LHFPL6: variants seen among roughly 807,000 people sequenced by gnomAD.
The protein encoded by LHFPL6 is LHFPL tetraspan subfamily member 6.
LHFPL6 carries 9 observed loss-of-function variants against 20.6 expected under a neutral mutation model. The observed-to-expected ratio is 0.44, with a 90% CI of 0.26 to 0.76. The LOEUF (loss-of-function observed/expected upper bound fraction) is 0.76, where lower values mean the gene tolerates loss of function less well. Ranked by LOEUF, LHFPL6 falls within the 30% of genes least tolerant of loss-of-function variation. The pLI is 0.20. For synonymous variants in LHFPL6, 105 were observed against 98.7 expected (o/e 1.06, Z -0.38); for missense variants, 218 against 253.5 (o/e 0.86, Z 0.95).
intron 2 of LHFPL6, among the ~76,000 whole-genome samples, chr13:39,579,475 T>G (rs1288426912): frequency 1.3e-5 from 2 of 152,214 alleles, no homozygotes; most frequent in African/African-American, 4.8e-5. Flanking sequence ...TTCAAGACAA[T>G]GAAATTTCTT....
At chr13:39,449,217 C>T (rs77307194) in intron 2 of LHFPL6, among the ~76,000 whole-genome samples, 2,096 of 152,334 alleles carry the variant, frequency 0.014, 19 homozygotes, top group Non-Finnish European at 0.02. Flanking sequence ...CACTACATTT[C>T]ACGACAGTTA....
chr13:39,343,465 C>T lies in LHFPL6; in HGVS notation c.*471G>A, dbSNP rs1267354899. 4.3e-5 allele frequency: 10 copies of T among 232,522 alleles called. No individual in the cohort carries two copies. Among genetic ancestry groups the T allele is most frequent in the South Asian group, 1.8e-4 (1 of 5,522 alleles). 14.4% of individuals were successfully genotyped at this position (232,522 alleles called of 1,614,324 possible). A position where few individuals can be genotyped will look rare whatever the true frequency, so the allele number is the denominator to read the frequency against. ...TGTGCTTGTGTGCTTTTGGGAGTGC[C>T]GTGACCTACAGGGAACATCTTTGGG... On this transcript the variant is annotated 3_prime_UTR_variant, in exon 4 of 4. Coordinates refer to ENST00000379589, the MANE Select transcript of LHFPL6 (RefSeq NM_005780.3).
At position 39,482,595 on chromosome 13, in the gene LHFPL6, C is replaced by T. The variant is rs563469013; in HGVS notation, c.386-104069G>A. 5.3e-5 allele frequency among the ~76,000 whole-genome samples: 8 copies of T among 152,266 alleles called. No individual in the cohort carries two copies. The South Asian group carries it at 1.0e-3, about 20-fold the overall frequency. On this transcript the variant is annotated intron_variant, in intron 2 of 3. Coordinates refer to ENST00000379589, the MANE Select transcript of LHFPL6 (RefSeq NM_005780.3). ...TGTTGAGGAAGGAGAAATAATCAAT[C>T]GTGTCAAATGCTGCAGAGAGATATA...
chr13:39,517,649 T>C (rs544237414), intron 2 of LHFPL6, among the ~76,000 whole-genome samples: 59 of 152,202 alleles, frequency 3.9e-4, no homozygotes, highest in Non-Finnish European at 1.6e-4. Context: ...TGTCCCTGTT[T>C]GTCTGAGACA....
At chr13:39,601,531 A>T (rs1351274057) in intron 1 of LHFPL6, 141 bp from the exon 2 acceptor site, 1 of 256,510 alleles carries the variant, frequency 3.9e-6, no homozygotes, top group Non-Finnish European at 7.4e-6. Flanking sequence ...AATTCTCTCT[A>T]TGAGCTTCAT....
At chr13:39,376,909 G>A (rs1870306125) in intron 3 of LHFPL6, among the ~76,000 whole-genome samples, 1 of 152,120 alleles carries the variant, frequency 6.6e-6, no homozygotes, top group African/African-American at 2.4e-5. Context: ...TGACATTTGA[G>A]AAAGCAGCAG....
intron 2 of LHFPL6, among the ~76,000 whole-genome samples, chr13:39,549,629 T>G (rs1190714559): frequency 6.6e-6 from 1 of 152,120 alleles, no homozygotes; most frequent in Non-Finnish European, 1.5e-5. Flanking sequence ...TCAGCATACA[T>G]AGACCATATA....
At chr13:39,497,892 C>T (rs1395061041) in intron 2 of LHFPL6, among the ~76,000 whole-genome samples, 32 of 152,022 alleles carry the variant, frequency 2.1e-4, no homozygotes, top group Admixed American at 2.1e-3. Context: ...GTCATGTTGC[C>T]AAGTTTAATT....
intron 2 of LHFPL6, among the ~76,000 whole-genome samples, chr13:39,384,112 C>A (rs757281342): frequency 6.6e-6 from 1 of 152,190 alleles, no homozygotes; most frequent in South Asian, 2.1e-4. Context: ...TGCCCACTCA[C>A]AAAAGGGCAG....
chr13:39,574,721 AGGCAAGTGTACT>A (rs1268042711), intron 2 of LHFPL6, among the ~76,000 whole-genome samples: 1 of 152,176 alleles, frequency 6.6e-6, no homozygotes, highest in Non-Finnish European at 1.5e-5. Flanking sequence ...TGGATGTGCA[AGGCAAGTGTACT>A]GGCAAGTGTA....
intron 2 of LHFPL6, among the ~76,000 whole-genome samples, chr13:39,444,340 G>A (rs1458477888): frequency 6.6e-6 from 1 of 152,212 alleles, no homozygotes; most frequent in African/African-American, 2.4e-5. Context: ...GAATAAAAAA[G>A]TTTGTTCAGC....
chr13:39,548,880 G>A (rs948369411), intron 2 of LHFPL6, among the ~76,000 whole-genome samples: 1 of 152,020 alleles, frequency 6.6e-6, no homozygotes, highest in African/African-American at 2.4e-5. Flanking sequence ...AGCATCAAAA[G>A]CATAATCCAC....
chr13:39,559,363 G>T (rs1357209050), intron 2 of LHFPL6, among the ~76,000 whole-genome samples: 1 of 152,208 alleles, frequency 6.6e-6, no homozygotes, highest in Non-Finnish European at 1.5e-5. Context: ...CTGACCTAAT[G>T]AACAGGAAGC....
intron 2 of LHFPL6, among the ~76,000 whole-genome samples, chr13:39,548,684 A>G (rs1204343105): frequency 6.6e-6 from 1 of 152,112 alleles, no homozygotes; most frequent in East Asian, 1.9e-4. Context: ...GTTTTTCAAA[A>G]TTCTCCCTCC....
intron 2 of LHFPL6, among the ~76,000 whole-genome samples, chr13:39,460,276 T>C (rs1453194888): frequency 3.9e-5 from 6 of 152,210 alleles, no homozygotes; most frequent in Non-Finnish European, 1.5e-5. Flanking sequence ...CAATGGTTTA[T>C]TACCTAAAGT....
rs1870965490 is a variant in LHFPL6, at chr13:39,400,721, T to C, written c.386-22195A>G. Among the ~76,000 whole-genome samples the C allele has an allele frequency of 2.4e-5, 3 of 124,740 alleles. No homozygotes were observed. The South Asian group carries it at 8.0e-4, about 33-fold the overall frequency. 81.8% of individuals were successfully genotyped at this position (124,740 alleles called of 152,430 possible). A position where few individuals can be genotyped will look rare whatever the true frequency, so the allele number is the denominator to read the frequency against. On this transcript the variant is annotated intron_variant, in intron 2 of 3. Transcript: ENST00000379589. ...TGGCGTGAACCCGGGAGGCGGAGCT[T>C]GCAGTGAGCCGAGATCCCGCCACTG...
At chr13:39,598,320 G>C (rs572108279) in intron 2 of LHFPL6, among the ~76,000 whole-genome samples, 9 of 150,544 alleles carry the variant, frequency 6.0e-5, no homozygotes, top group African/African-American at 2.2e-4. Flanking sequence ...TCTCCATTAA[G>C]TAACAGTGAT....
intron 2 of LHFPL6, among the ~76,000 whole-genome samples, chr13:39,507,952 C>T (rs1167545039): frequency 1.5e-5 from 2 of 132,994 alleles, no homozygotes; most frequent in Non-Finnish European, 3.2e-5. Flanking sequence ...TCTTTTCCTT[C>T]CTTCCCTTTT....
chr13:39,512,962 T>C (rs1194767046), intron 2 of LHFPL6, among the ~76,000 whole-genome samples: 5 of 152,262 alleles, frequency 3.3e-5, no homozygotes, highest in Non-Finnish European at 7.3e-5. Context: ...TATTGGCCAC[T>C]GTCATGACTG....
Sources: gnomAD v4.1 joint callset for allele counts (sites outside exome capture counted in the v4.1 genomes callset) on GRCh38, gnomAD v4.1.1 for gene constraint, MANE v1.5 for transcripts, NCBI Gene and HGNC (gene_info 2026-07-23, HGNC 2026-07-21) for gene names.